The following LIMCH1 variants were observed in gnomAD, a reference collection of about 807,000 sequenced individuals.
LIMCH1 encodes the protein LIM and calponin homology domains-containing protein 1.
A neutral mutation model predicts 176.5 loss-of-function variants in LIMCH1; 113 were observed. That is an observed-to-expected ratio of 0.64 (90% confidence interval 0.55 to 0.75). The LOEUF (loss-of-function observed/expected upper bound fraction) is 0.75, where lower values mean the gene tolerates loss of function less well. Ranked by LOEUF, LIMCH1 falls within the 30% of genes least tolerant of loss-of-function variation. The pLI is 0.00. For synonymous variants in LIMCH1, 619 were observed against 645.9 expected, an observed-to-expected ratio of 0.96 and a Z score of 0.63; for missense variants, 1,674 against 1,814.9, an observed-to-expected ratio of 0.92 and a Z score of 1.41.
chr4:41,553,115 T>G (rs1448508948), intron 1 of LIMCH1, among the ~76,000 whole-genome samples: 1 of 152,170 alleles, frequency 6.6e-6, no homozygotes, highest in Non-Finnish European at 1.5e-5. Flanking sequence ...TGATGGCCAG[T>G]TGGTCTCTGC....
intron 1 of LIMCH1, among the ~76,000 whole-genome samples, chr4:41,391,685 G>A (rs1219704102): frequency 1.3e-5 from 2 of 152,056 alleles, no homozygotes; most frequent in Non-Finnish European, 2.9e-5. Flanking sequence ...CAAATTGAGG[G>A]ACATTCTACA....
chr4:41,647,531 C>G (rs894842981), intron 17 of LIMCH1, among the ~76,000 whole-genome samples: 1 of 152,216 alleles, frequency 6.6e-6, no homozygotes, highest in Non-Finnish European at 1.5e-5. Flanking sequence ...AACCAAACAT[C>G]TTTTCGCTTC....
intron 1 of LIMCH1, among the ~76,000 whole-genome samples, chr4:41,555,322 G>A (rs1217089065): frequency 1.3e-5 from 2 of 152,168 alleles, no homozygotes; most frequent in African/African-American, 4.8e-5. Context: ...AGAGCATGCG[G>A]TGAATACTGA....
intron 1 of LIMCH1, among the ~76,000 whole-genome samples, chr4:41,448,505 T>C (rs1203768802): frequency 1.3e-5 from 2 of 152,120 alleles, no homozygotes; most frequent in South Asian, 4.1e-4. Context: ...AGAAGCAGTA[T>C]GTCAGTGCGT....
intron 10 of LIMCH1, among the ~76,000 whole-genome samples, chr4:41,632,498 G>A (rs930954408): frequency 1.3e-5 from 2 of 152,148 alleles, no homozygotes; most frequent in Non-Finnish European, 2.9e-5. Context: ...TCGAGGCCTT[G>A]AATCCTGAGA....
chr4:41,697,033 G>A, intron 31 of LIMCH1, 127 bp from the exon 32 acceptor site: 1 of 865,322 alleles, frequency 1.2e-6, no homozygotes, highest in Non-Finnish European at 1.9e-6. Flanking sequence ...CAGGATGGGA[G>A]AAGTTTCTGG....
In LIMCH1 at chr4:41,578,777, A is replaced by G. The variant is rs188188606; in HGVS notation, c.-240-20143A>G. 1.4e-3 allele frequency among the ~76,000 whole-genome samples: 207 copies of G among 151,968 alleles called. 1 individual carries two copies. Among genetic ancestry groups the G allele is most frequent in the African/African-American group, 4.7e-3 (193 of 41,440 alleles). On this transcript the variant is annotated intron_variant, in intron 1 of 31. Transcript: ENST00000503057. ...TCACTTGGTTGCCCAGGCTAGAGTG[A>G]AATGAAGTCATAGCTCCCTGTAGCC... is the stretch of plus-strand genomic sequence containing the variant.
At chr4:41,392,569 C>T (rs1034257862) in intron 1 of LIMCH1, among the ~76,000 whole-genome samples, 1 of 152,126 alleles carries the variant, frequency 6.6e-6, no homozygotes, top group African/African-American at 2.4e-5. Flanking sequence ...CATTTGGAGT[C>T]ATGTTGTAGG....
In LIMCH1 at chr4:41,419,123, GTTTTATTTTATTTTATTTTA is replaced by G. The variant is rs148393298; in HGVS notation, c.96+58211_96+58230del. 3.3e-4 allele frequency among the ~76,000 whole-genome samples: 48 copies of G among 146,908 alleles called. 1 individual carries two copies. The highest frequency in any genetic ancestry group is 8.9e-4 in the South Asian group (4 of 4,500). ...TTACATTTCTAAGTCACTACGTTTTGTTTTATTTTATTTTATTTTATTTTATTTTATTTTATTTTATTTCA... is the reference window on the plus strand; with the variant it reads ...TTACATTTCTAAGTCACTACGTTTTGTTTTATTTTATTTTATTTTATTTCA... On this transcript the variant is annotated intron_variant, in intron 1 of 26. Coordinates refer to the LIMCH1 transcript ENST00000313860.
At chr4:41,459,402 G>C (rs1189521177) in intron 1 of LIMCH1, among the ~76,000 whole-genome samples, 1 of 152,010 alleles carries the variant, frequency 6.6e-6, no homozygotes, top group Non-Finnish European at 1.5e-5. Flanking sequence ...CTGGGCTTAA[G>C]TAATTCTCCC....
chr4:41,551,556 A>G (rs2080429711), intron 1 of LIMCH1, among the ~76,000 whole-genome samples: 1 of 152,220 alleles, frequency 6.6e-6, no homozygotes, highest in Non-Finnish European at 1.5e-5. Flanking sequence ...TGTTTGGATG[A>G]AGCCGAGGTC....
rs138696856 is a variant in LIMCH1, at chr4:41,552,003, G to T, written c.-241+13653G>T. Among the ~76,000 whole-genome samples, 594 of 152,260 alleles carry T rather than the reference G, an allele frequency of 3.9e-3. 3 individuals carry two copies. Among genetic ancestry groups the T allele is most frequent in the Non-Finnish European group, 6.4e-3 (436 of 68,004 alleles). Reference sequence around the variant, plus strand: ...AGAGGTTTAATGGACGAACAGTTCCGCATGGCTGGGGAGGCCTCACAATCA... The same window carrying T: ...AGAGGTTTAATGGACGAACAGTTCCTCATGGCTGGGGAGGCCTCACAATCA... On this transcript the variant is annotated intron_variant, in intron 1 of 31. Transcript: ENST00000503057.
chr4:41,682,729 T>G (rs1467389880), intron 26 of LIMCH1, among the ~76,000 whole-genome samples: 1 of 148,908 alleles, frequency 6.7e-6, no homozygotes, highest in Non-Finnish European at 1.5e-5. Flanking sequence ...CAGGCTGGAG[T>G]GCCATGGTAC....
intron 1 of LIMCH1, among the ~76,000 whole-genome samples, chr4:41,399,319 A>G (rs940464688): frequency 2.6e-5 from 4 of 152,134 alleles, no homozygotes; most frequent in African/African-American, 9.7e-5. Flanking sequence ...AAGAATAGAG[A>G]GGATGAAGGG....
At chr4:41,541,425 T>G (rs2078634308) in intron 1 of LIMCH1, among the ~76,000 whole-genome samples, 1 of 152,168 alleles carries the variant, frequency 6.6e-6, no homozygotes, top group African/African-American at 2.4e-5. Flanking sequence ...CAAGGATATG[T>G]ATGAGCTACC....
At chr4:41,585,336 C>A (rs1437702689) in intron 1 of LIMCH1, among the ~76,000 whole-genome samples, 2 of 152,164 alleles carry the variant, frequency 1.3e-5, no homozygotes, top group African/African-American at 4.8e-5. Flanking sequence ...TTTCACTTAG[C>A]ATACTATCTT....
chr4:41,610,771 C>T (rs906316494), intron 4 of LIMCH1, among the ~76,000 whole-genome samples: 1 of 152,094 alleles, frequency 6.6e-6, no homozygotes, highest in Admixed American at 6.5e-5. Flanking sequence ...AGTCGGTATT[C>T]GGAGACCATT....
At chr4:41,383,585 TTTGA>T (rs1362187067) in intron 1 of LIMCH1, among the ~76,000 whole-genome samples, 1 of 152,192 alleles carries the variant, frequency 6.6e-6, no homozygotes, top group Admixed American at 6.5e-5. Context: ...GGGAAAAATC[TTTGA>T]TTGATTTTCA....
chr4:41,468,559 T>C (rs899212515), intron 1 of LIMCH1, among the ~76,000 whole-genome samples: 4 of 151,722 alleles, frequency 2.6e-5, no homozygotes, highest in Non-Finnish European at 5.9e-5. Context: ...CACAGAAATA[T>C]TGTGTTTGAT....
Sources: gnomAD v4.1 joint callset for allele counts (sites outside exome capture counted in the v4.1 genomes callset) on GRCh38, gnomAD v4.1.1 for gene constraint, MANE v1.5 for transcripts, NCBI Gene and HGNC (gene_info 2026-07-23, HGNC 2026-07-21) for gene names.